NCAN: variants seen among roughly 807,000 people sequenced by gnomAD.
The protein encoded by NCAN is neurocan.
NCAN carries 47 observed loss-of-function variants against 121.8 expected under a neutral mutation model. The observed-to-expected ratio is 0.39, with a 90% confidence interval of 0.31 to 0.49. NCAN has a LOEUF of 0.49. NCAN is among the 20% of genes least tolerant of loss of function. NCAN has a pLI of 0.92. For synonymous variants in NCAN, 633 were observed against 702.0 expected, an observed-to-expected ratio of 0.90 and a Z score of 1.55; for missense variants, 1,517 against 1,773.4, an observed-to-expected ratio of 0.86 and a Z score of 2.60.
At chr19:19,239,701 A>C (rs1599820969) in intron 11 of NCAN, among the ~76,000 whole-genome samples, 8 of 67,192 alleles carry the variant, frequency 1.2e-4, no homozygotes, top group East Asian at 4.6e-4. Flanking sequence ...CCCTCCTCCC[A>C]TTCATCCCCT....
At chr19:19,219,555 C>T (rs559486828) in intron 3 of NCAN, among the ~76,000 whole-genome samples, 1 of 148,104 alleles carries the variant, frequency 6.8e-6, no homozygotes, top group Admixed American at 7.0e-5. Flanking sequence ...ATTAGCCAGG[C>T]ATGGTGGCAC....
chr19:19,247,412 C>G (rs1006222644), intron 13 of NCAN, among the ~76,000 whole-genome samples: 2 of 152,146 alleles, frequency 1.3e-5, no homozygotes, highest in African/African-American at 4.8e-5. Context: ...CGCTGCCACA[C>G]CCAGCTAATT....
Position 19,227,072 on chromosome 19 carries a change from T to A in NCAN, c.1659T>A (p.Ala553=). 6.6e-7 allele frequency: 1 copy of A among 1,507,938 alleles called. No homozygotes were observed. Among genetic ancestry groups the A allele is most frequent in the Non-Finnish European group, 8.9e-7 (1 of 1,129,814 alleles). The allele number at this position is 1,507,938 out of a possible 1,614,324, so 93.4% of individuals were successfully genotyped here. ...CCAATGAGGTGGATATGCCTGGAGC[T>A]GGTGAGTTGCTCTGGGGGAGGCGGG... ...DLTNEVDMPG[A]GSAGGKSSPE... is the part of the protein sequence containing the mutation. Residue 553 remains alanine (A), a splice_region_variant and synonymous_variant, in exon 7 of 15, where the codon GCT becomes GCA. Coordinates refer to ENST00000252575, the MANE Select transcript of NCAN (RefSeq NM_004386.3). This position sits in a 1 kb window ranked among gnomAD's most constrained non-coding sequence, Gnocchi z 4.2.
rs776522243 is a variant in NCAN at position 19,240,704 on chromosome 19, G to A, written c.3492+19G>A. 12 of 1,612,446 alleles carry A rather than the reference G, an allele frequency of 7.4e-6. No homozygotes were observed. Among genetic ancestry groups the A allele is most frequent in the East Asian group, 6.7e-5 (3 of 44,884 alleles). On this transcript the variant is annotated intron_variant, in intron 12 of 14. Coordinates refer to ENST00000252575, the MANE Select transcript of NCAN (RefSeq NM_004386.3). ...CGGGCTGGTGAGTGGCAGGGGCTGC[G>A]GGCCTAGGCTGCTGAGCCACATCAG...
At chr19:19,219,779 C>T (rs1467491392) in intron 3 of NCAN, among the ~76,000 whole-genome samples, 3 of 149,036 alleles carry the variant, frequency 2.0e-5, no homozygotes, top group African/African-American at 7.4e-5. Context: ...AATCTGAGCA[C>T]TTTGGGAGGC....
intron 11 of NCAN, among the ~76,000 whole-genome samples, chr19:19,239,281 T>C (rs1294431333): frequency 1.3e-5 from 2 of 151,982 alleles, no homozygotes; most frequent in East Asian, 1.9e-4. Context: ...TCCCCACTTG[T>C]GGAGGGTGGG....
chr19:19,227,626 C>G lies in NCAN; in HGVS notation c.2006C>G (p.Pro669Arg). 1 of 1,613,952 alleles carries G rather than the reference C, an allele frequency of 6.2e-7. No individual in the cohort carries two copies. ...GGTGAGGCCACCGCCACGGCTCCAC[C>G]CTCCCCTGCTGCAGAGACCAAGGTG... ...AHGEATATAP[P>R]SPAAETKVYS... The change falls in exon 8 of 15, where the codon CCC becomes CGC. Residue 669 changes from proline to arginine, a missense_variant. Transcript: ENST00000252575. The surrounding 1 kb of genome is among the most constrained non-coding windows in gnomAD (Gnocchi z 4.2).
chr19:19,248,067 G>A (rs1381909377), intron 13 of NCAN, among the ~76,000 whole-genome samples: 1 of 152,144 alleles, frequency 6.6e-6, no homozygotes, highest in Non-Finnish European at 1.5e-5. Context: ...AAGATCCCTT[G>A]AGCCTGGGAG....
Position 19,226,667 on chromosome 19 carries a change from T to A in NCAN, c.1254T>A (p.Ile418=). The A allele has an allele frequency of 6.2e-7, 1 of 1,613,644 alleles. No individual in the cohort carries two copies. The highest frequency in any genetic ancestry group is 8.5e-7 in the Non-Finnish European group (1 of 1,179,852). ...LVSSGEEETL[I]LEEKQESQQT... is the part of the protein sequence containing the mutation. The stretch of plus-strand genomic sequence containing the variant: ...CCAGTGGGGAAGAAGAAACCCTGAT[T>A]TTGGAGGAGAAGCAGGAGTCTCAAC... Residue 418 remains isoleucine (I), a synonymous_variant, in exon 7 of 15, where the codon ATT becomes ATA. Transcript: ENST00000252575.
intron 1 of NCAN, among the ~76,000 whole-genome samples, chr19:19,214,843 GTC>G (rs1383175065): frequency 6.6e-6 from 1 of 152,020 alleles, no homozygotes; most frequent in Non-Finnish European, 1.5e-5. Context: ...CCGGAGTCCT[GTC>G]TCTCTCTAAT....
rs2060947031 is a variant in NCAN at position 19,251,761 on chromosome 19, A to T, written c.*1850A>T. The stretch of plus-strand genomic sequence containing the variant: ...CTTCCTCCCTGTAGACATCTATCTT[A>T]TTATGGTTATTATTCAGAAAACCCA... On this transcript the variant is annotated 3_prime_UTR_variant, in exon 15 of 15. Coordinates refer to ENST00000252575, the MANE Select transcript of NCAN (RefSeq NM_004386.3). 6.6e-6 allele frequency: 1 copy of T among 152,182 alleles called. No individual in the cohort carries two copies. The highest frequency in any genetic ancestry group is 2.1e-4 in the South Asian group (1 of 4,828). 9.4% of individuals were successfully genotyped at this position (152,182 alleles called of 1,614,324 possible). A position where few individuals can be genotyped will look rare whatever the true frequency, so the allele number is the denominator to read the frequency against.
Position 19,213,513 on chromosome 19 carries a change from G to C in NCAN, c.-8+1449G>C, listed in dbSNP as rs1177499358. On this transcript the variant is annotated intron_variant, in intron 1 of 14. Coordinates refer to ENST00000252575, the MANE Select transcript of NCAN (RefSeq NM_004386.3). ...TCATCAAGGGGTTTATGTGGGGGGG[G>C]GGGGGCCCGAGACTGTGGGTGTGTG... Among the ~76,000 whole-genome samples the C allele has an allele frequency of 2.7e-5, 4 of 148,662 alleles. No homozygotes were observed. The East Asian group carries it at 8.1e-4, about 30-fold the overall frequency.
chr19:19,225,584 G>T lies in NCAN; in HGVS notation c.1072+314G>T, dbSNP rs2060833523. Among the ~76,000 whole-genome samples, 1 of 152,220 alleles carries T rather than the reference G, an allele frequency of 6.6e-6. No individual in the cohort carries two copies. The highest frequency in any genetic ancestry group is 1.5e-5 in the Non-Finnish European group (1 of 68,030). On this transcript the variant is annotated intron_variant, in intron 6 of 14. Transcript: ENST00000252575. The surrounding 1 kb of genome is among the most constrained non-coding windows in gnomAD (Gnocchi z 4.0). ...CTTGAAAGACAAGCCCCTAGGTGGG[G>T]CATACTCTACCTAGAGCCACGCCCA...
chr19:19,246,182 C>T (rs2060923780), intron 13 of NCAN, among the ~76,000 whole-genome samples: 1 of 151,956 alleles, frequency 6.6e-6, no homozygotes, highest in Non-Finnish European at 1.5e-5. Context: ...GGATTACAGG[C>T]GTATGCCACC....
At position 19,251,313 on chromosome 19, in the gene NCAN, T is replaced by C. The variant is rs1031806285; in HGVS notation, c.*1402T>C. ...AGCCTGAATCCCTTCTGGGAAGTAA[T>C]AATGACCATTGACAACTAAGAAGTA... On this transcript the variant is annotated 3_prime_UTR_variant, in exon 15 of 15. Transcript: ENST00000252575. The C allele has an allele frequency of 4.6e-5, 7 of 152,196 alleles. No homozygotes were observed. The highest frequency in any genetic ancestry group is 1.7e-4 in the African/African-American group (7 of 41,442). The allele number at this position is 152,196 out of a possible 1,614,324, so 9.4% of individuals were successfully genotyped here.
chr19:19,248,667 G>A (rs2060934820), intron 13 of NCAN, 33 bp from the exon 14 acceptor site: 2 of 1,596,394 alleles, frequency 1.3e-6, no homozygotes, highest in Non-Finnish European at 1.7e-6. Flanking sequence ...CCAGATGTGA[G>A]CACCTCTCTC....
intron 3 of NCAN, 115 bp downstream of exon 3, chr19:19,219,431 A>C: frequency 4.0e-5 from 46 of 1,150,596 alleles, no homozygotes; most frequent in Non-Finnish European, 5.1e-5. Context: ...CTGGTGTCTC[A>C]TGCCTGTAAT....
rs184538603 is a variant in NCAN, at chr19:19,251,827, G to T, written c.*1916G>T. The T allele has an allele frequency of 8.6e-5, 13 of 150,390 alleles. No homozygotes were observed. Among genetic ancestry groups the T allele is most frequent in the Admixed American group, 8.0e-4 (12 of 15,010 alleles). 9.3% of individuals were successfully genotyped at this position (150,390 alleles called of 1,614,324 possible). ...CTTCTTACTTTGATAACTCTTCTTAGTTTAAAATAATAATAATAACACATC... is the reference window on the plus strand; with the variant it reads ...CTTCTTACTTTGATAACTCTTCTTATTTTAAAATAATAATAATAACACATC... On this transcript the variant is annotated 3_prime_UTR_variant, in exon 15 of 15. Coordinates refer to ENST00000252575, the MANE Select transcript of NCAN (RefSeq NM_004386.3).
intron 3 of NCAN, among the ~76,000 whole-genome samples, chr19:19,222,353 C>T (rs2060819770): frequency 6.6e-6 from 1 of 152,158 alleles, no homozygotes; most frequent in African/African-American, 2.4e-5. Context: ...GATCTTGGCT[C>T]ACTGCACCTC....
Sources: allele counts gnomAD v4.1 joint callset (sites outside exome capture counted in the v4.1 genomes callset), GRCh38; gene constraint gnomAD v4.1.1; non-coding constraint Gnocchi (gnomAD v3.1); transcripts MANE v1.5; gene names NCBI Gene and HGNC (gene_info 2026-07-23, HGNC 2026-07-21).